PROM1: variants seen among roughly 807,000 people sequenced by gnomAD.
The protein encoded by PROM1 is prominin-1.
Under a neutral mutation model 116.9 loss-of-function variants are expected in PROM1, and 105 were observed. The ratio of observed to expected loss-of-function variants is 0.90; its 90% CI spans 0.77 to 1.06. The LOEUF is 1.06. PROM1 is among the 50% of genes least tolerant of loss of function. The pLI, the probability that PROM1 is intolerant of heterozygous loss-of-function variation, is 0.00. For missense variants in PROM1, 1,122 were observed against 1,045.2 expected, an observed-to-expected ratio of 1.07 and a Z score of -1.01; for synonymous variants, 393 against 387.0, an observed-to-expected ratio of 1.02 and a Z score of -0.18.
rs1446163766 is a variant in PROM1 at position 16,013,290 on chromosome 4, T to C, written c.1126A>G (p.Thr376Ala). The change falls in exon 11 of 28, where the codon ACG becomes GCG. Residue 376 changes from threonine (T) to alanine (A), a missense_variant. By Grantham distance (58) the Thr-to-Ala change is moderately conservative. Transcript: ENST00000447510. ...DIPDRVQRQT[T>A]TVVAGIKRVL... The stretch of plus-strand genomic sequence containing the variant: ...TGAATCTCACCTGCTACGACAGTCG[T>C]GGTTTGGCGTTGTACTCTGTCAGGT... 2 of 1,608,116 alleles carry C rather than the reference T, an allele frequency of 1.2e-6. No individual in the cohort carries two copies. The highest frequency in any genetic ancestry group is 2.7e-5 in the African/African-American group (2 of 74,744).
intron 18 of PROM1, 30 bp downstream of exon 18, chr4:15,991,192 A>G (rs764307932): frequency 6.4e-7 from 1 of 1,565,224 alleles, no homozygotes; most frequent in East Asian, 2.3e-5. Flanking sequence ...TACAACTACT[A>G]CAGTATTTAA....
chr4:15,975,789 C>T (rs1443135756), intron 26 of PROM1, among the ~76,000 whole-genome samples: 1 of 152,198 alleles, frequency 6.6e-6, no homozygotes, highest in African/African-American at 2.4e-5. Flanking sequence ...ATCCAGGAGA[C>T]TTGCCAGGGT....
chr4:16,041,628 TG>T (rs1735251002), intron 2 of PROM1, among the ~76,000 whole-genome samples: 1 of 151,728 alleles, frequency 6.6e-6, no homozygotes, highest in Non-Finnish European at 1.5e-5. Context: ...TAGTCAAGTG[TG>T]GGGGCATGCA....
intron 5 of PROM1, among the ~76,000 whole-genome samples, chr4:16,026,962 G>T (rs1299884567): frequency 6.6e-6 from 1 of 152,102 alleles, no homozygotes; most frequent in Non-Finnish European, 1.5e-5. Flanking sequence ...CCTCCAAACT[G>T]AAAAGATCAG....
intron 2 of PROM1, among the ~76,000 whole-genome samples, chr4:16,044,360 CCAAGCTT>C (rs1488282871): frequency 6.6e-6 from 1 of 152,172 alleles, no homozygotes; most frequent in Non-Finnish European, 1.5e-5. Flanking sequence ...CAGATTTGTG[CCAAGCTT>C]AAGTGCTCTT....
At chr4:16,014,300 C>T (rs1352211953) in intron 10 of PROM1, among the ~76,000 whole-genome samples, 2 of 152,198 alleles carry the variant, frequency 1.3e-5, no homozygotes, top group Non-Finnish European at 2.9e-5. Flanking sequence ...GGAGACTAAG[C>T]TACTCAGCAC....
intron 1 of PROM1, chr4:16,083,247 C>CT (rs1745375451): frequency 6.6e-6 from 1 of 152,170 alleles, no homozygotes; most frequent in South Asian, 2.1e-4. Flanking sequence ...TCACCGTTCT[C>CT]CCCGAGAGCG....
chr4:16,080,517 CA>C lies in PROM1; in HGVS notation c.-213+3460del, dbSNP rs960879179. ...AGCCTGGGTGACAGAGACTCCATCT[CA>C]AAAAAAAAAATTAAAAATGAAAAAG... On this transcript the variant is annotated intron_variant, in intron 1 of 27. Transcript: ENST00000447510. 939 of 145,604 alleles carry C rather than the reference CA, an allele frequency of 6.4e-3. 8 individuals carry two copies. Among genetic ancestry groups the C allele is most frequent in the African/African-American group, 0.022 (857 of 39,776 alleles). 9.0% of individuals were successfully genotyped at this position (145,604 alleles called of 1,614,324 possible).
rs1229119546 is a variant in PROM1, at chr4:15,999,579, T to C, written c.1578+917A>G. 3.3e-5 allele frequency among the ~76,000 whole-genome samples: 5 copies of C among 152,144 alleles called. No homozygotes were observed. The East Asian group carries it at 7.7e-4, about 23-fold the overall frequency. ...TTGAGAAGTAGAAATGGTTTTGAAA[T>C]ATCCCGTACTTAAGAAAAATTATCT... On this transcript the variant is annotated intron_variant, in intron 14 of 27. Transcript: ENST00000447510.
At chr4:15,971,223 T>C (rs937045201) in intron 26 of PROM1, 141 bp from the exon 27 acceptor site, 1 of 630,868 alleles carries the variant, frequency 1.6e-6, no homozygotes, top group Non-Finnish European at 2.7e-6. Flanking sequence ...TCAAGAAGAA[T>C]GTGTCAGACA....
chr4:16,047,758 T>C (rs1274334135), intron 2 of PROM1, among the ~76,000 whole-genome samples: 3 of 151,980 alleles, frequency 2.0e-5, no homozygotes, highest in Admixed American at 6.6e-5. Flanking sequence ...GCAGAACACC[T>C]CTGAGCAGCT....
At chr4:16,030,274 C>A (rs892574057) in intron 5 of PROM1, among the ~76,000 whole-genome samples, 1 of 152,174 alleles carries the variant, frequency 6.6e-6, no homozygotes, top group African/African-American at 2.4e-5. Context: ...ACACACTACT[C>A]TTATTTAAGC....
intron 10 of PROM1, among the ~76,000 whole-genome samples, chr4:16,014,401 G>A (rs1322620762): frequency 6.6e-6 from 1 of 152,216 alleles, no homozygotes; most frequent in African/African-American, 2.4e-5. Context: ...TTCACAGCTG[G>A]AAGGTGTCTT....
intron 22 of PROM1, among the ~76,000 whole-genome samples, chr4:15,985,224 GATGTGCATAGGTT>G (rs1376721979): frequency 6.6e-6 from 1 of 152,156 alleles, no homozygotes; most frequent in East Asian, 1.9e-4. Context: ...CACACAGGAG[GATGTGCATAGGTT>G]ATGTGCAAAT....
chr4:15,979,290 G>A, intron 26 of PROM1, 105 bp downstream of exon 26: 1 of 1,554,518 alleles, frequency 6.4e-7, no homozygotes, highest in South Asian at 1.2e-5. Flanking sequence ...GTATCATACA[G>A]AGAGAAGTGA....
intron 22 of PROM1, 42 bp from the exon 23 acceptor site, chr4:15,984,397 C>A: frequency 7.3e-7 from 1 of 1,376,734 alleles, no homozygotes; most frequent in South Asian, 1.4e-5. Context: ...GCTGCATCCA[C>A]AAAAACCCAA....
At chr4:16,081,311 T>C (rs1745004948) in intron 1 of PROM1, among the ~76,000 whole-genome samples, 1 of 152,162 alleles carries the variant, frequency 6.6e-6, no homozygotes, top group South Asian at 2.1e-4. Context: ...CTGGGAAACC[T>C]GGCTAGCCAT....
rs749377148 is a variant in PROM1 at position 16,006,534 on chromosome 4, T to C, written c.1454+4A>G. 171 of 1,583,642 alleles carry C rather than the reference T, an allele frequency of 1.1e-4. No homozygotes were observed. Among genetic ancestry groups the C allele is most frequent in the Non-Finnish European group, 1.3e-4 (157 of 1,165,794 alleles). ...CCACATGACAGAGAGGAGCAGACAC[T>C]CACACCATGAGGAAGACGCCTCCGG... On this transcript the variant is annotated splice_donor_region_variant and intron_variant, in intron 13 of 27. Coordinates refer to ENST00000447510, the MANE Select transcript of PROM1 (RefSeq NM_006017.3).
intron 17 of PROM1, 22 bp from the exon 18 acceptor site, chr4:15,991,315 T>C (rs780784911): frequency 3.2e-6 from 5 of 1,552,412 alleles, no homozygotes; most frequent in South Asian, 2.4e-5. Flanking sequence ...GTGAAAAAAA[T>C]TGTCTTATGG....
Sources: allele counts gnomAD v4.1 joint callset (sites outside exome capture counted in the v4.1 genomes callset), GRCh38; gene constraint gnomAD v4.1.1; transcripts MANE v1.5; gene names NCBI Gene and HGNC (gene_info 2026-07-23, HGNC 2026-07-21).